Variants in CADM2 observed in about 807,000 individuals in gnomAD.
The protein encoded by CADM2 is immunoglobulin superfamily member 4D.
In CADM2, 12 loss-of-function variants were observed where a neutral mutation model predicts 49.8. The observed-to-expected ratio is 0.24, with a 90% confidence interval of 0.15 to 0.39. CADM2 has a LOEUF of 0.39. Ranked by LOEUF, CADM2 falls within the 10% of genes least tolerant of loss-of-function variation. CADM2 has a pLI of 1.00. For missense variants in CADM2, 378 were observed against 492.3 expected (o/e 0.77, Z 2.20); for synonymous variants, 214 against 175.4 (o/e 1.22, Z -1.74).
chr3:85,090,802 G>A (rs928821009), intron 1 of CADM2, among the ~76,000 whole-genome samples: 4 of 152,158 alleles, frequency 2.6e-5, no homozygotes, highest in Non-Finnish European at 4.4e-5. Flanking sequence ...GAGGGCTCTA[G>A]GTTGTCCACT....
Position 85,002,200 on chromosome 3 carries a change from A to G in CADM2, c.61+42532A>G, listed in dbSNP as rs146269228. Among the ~76,000 whole-genome samples, 1,498 of 152,102 alleles carry G rather than the reference A, an allele frequency of 9.8e-3. 34 individuals carry two copies. The highest frequency in any genetic ancestry group is 0.035 in the African/African-American group (1,443 of 41,516). ...CTGTCGATATCAATTGTTTCTGGCC[A>G]TGTTCTTTGCTCCCTTTTCCTCTGT... is the stretch of plus-strand genomic sequence containing the variant. On this transcript the variant is annotated intron_variant, in intron 1 of 9. Coordinates refer to ENST00000383699, the MANE Select transcript of CADM2 (RefSeq NM_001167675.2).
intron 1 of CADM2, among the ~76,000 whole-genome samples, chr3:85,022,704 A>G (rs1425251582): frequency 6.6e-6 from 1 of 152,062 alleles, no homozygotes; most frequent in African/African-American, 2.4e-5. Context: ...TGCTCTTTGA[A>G]TTCTGTTAAT....
At chr3:85,075,889 C>T (rs1372151605) in intron 1 of CADM2, among the ~76,000 whole-genome samples, 1 of 152,086 alleles carries the variant, frequency 6.6e-6, no homozygotes, top group African/African-American at 2.4e-5. Flanking sequence ...CATTAGATAA[C>T]AACACTGAGT....
At chr3:85,009,016 T>C (rs542403948) in intron 1 of CADM2, among the ~76,000 whole-genome samples, 9 of 152,248 alleles carry the variant, frequency 5.9e-5, no homozygotes, top group Admixed American at 4.6e-4. Flanking sequence ...AGTTCTGGTT[T>C]TCATTGTTTG....
intron 1 of CADM2, among the ~76,000 whole-genome samples, chr3:85,719,681 C>G (rs1308473943): frequency 6.6e-6 from 1 of 151,384 alleles, no homozygotes; most frequent in Non-Finnish European, 1.5e-5. Context: ...ACTGGTTATT[C>G]TATCTCAGGG....
At chr3:84,959,724 C>T (rs1407692900) in intron 1 of CADM2, 56 bp downstream of exon 1, 2 of 1,440,172 alleles carry the variant, frequency 1.4e-6, no homozygotes, top group Non-Finnish European at 1.9e-6. Flanking sequence ...CCCATCTTCC[C>T]CATTCCACCC....
At chr3:85,853,354 G>C (rs916193956) in intron 3 of CADM2, among the ~76,000 whole-genome samples, 1 of 151,962 alleles carries the variant, frequency 6.6e-6, no homozygotes, top group African/African-American at 2.4e-5. Flanking sequence ...GATCATCTAA[G>C]AAATAATAAT....
chr3:84,998,880 ATT>A (rs1331739319), intron 1 of CADM2, among the ~76,000 whole-genome samples: 2 of 152,076 alleles, frequency 1.3e-5, no homozygotes, highest in Non-Finnish European at 2.9e-5. Context: ...AAAATATTTT[ATT>A]TGTTACATTA....
At chr3:86,055,107 A>T (rs554560209) in intron 8 of CADM2, among the ~76,000 whole-genome samples, 1 of 152,312 alleles carries the variant, frequency 6.6e-6, no homozygotes, top group East Asian at 1.9e-4. Flanking sequence ...TTTTCTGATA[A>T]AAGCAACCCC....
intron 1 of CADM2, among the ~76,000 whole-genome samples, chr3:85,036,736 CTT>C (rs1417159361): frequency 6.6e-6 from 1 of 152,066 alleles, no homozygotes; most frequent in African/African-American, 2.4e-5. Flanking sequence ...AGTTATGTCT[CTT>C]ATAACAATAT....
At chr3:85,350,763 GAA>G (rs985470990) in intron 1 of CADM2, among the ~76,000 whole-genome samples, 1 of 149,702 alleles carries the variant, frequency 6.7e-6, no homozygotes, top group African/African-American at 2.4e-5. Context: ...GGTTATTAAC[GAA>G]AAAAAAAGTA....
intron 1 of CADM2, among the ~76,000 whole-genome samples, chr3:85,067,299 G>A (rs1328277469): frequency 6.6e-6 from 1 of 152,038 alleles, no homozygotes; most frequent in African/African-American, 2.4e-5. Context: ...GTGTGTTTGT[G>A]TGTGTGTGTG....
intron 1 of CADM2, among the ~76,000 whole-genome samples, chr3:85,528,310 ACAT>A (rs2061216923): frequency 7.8e-6 from 1 of 128,230 alleles, no homozygotes; most frequent in Non-Finnish European, 1.8e-5. Flanking sequence ...AATGGGAGAA[ACAT>A]CAGCATACTC....
intron 1 of CADM2, among the ~76,000 whole-genome samples, chr3:85,618,988 C>G (rs189397119): frequency 1.3e-5 from 2 of 151,720 alleles, no homozygotes; most frequent in African/African-American, 4.8e-5. Context: ...TTGCAGGGAG[C>G]TGAGATCGGC....
chr3:85,525,634 T>C (rs2061143791), intron 1 of CADM2, among the ~76,000 whole-genome samples: 1 of 152,168 alleles, frequency 6.6e-6, no homozygotes, highest in Admixed American at 6.6e-5. Context: ...TCTTTGGTTT[T>C]TAATCATTCC....
chr3:85,421,303 A>G (rs1326665224), intron 1 of CADM2, among the ~76,000 whole-genome samples: 2 of 152,136 alleles, frequency 1.3e-5, no homozygotes, highest in Non-Finnish European at 2.9e-5. Context: ...AAAAATGATC[A>G]TCATTTATTG....
intron 3 of CADM2, among the ~76,000 whole-genome samples, chr3:85,858,888 A>C (rs961444721): frequency 6.6e-6 from 1 of 152,222 alleles, no homozygotes; most frequent in Non-Finnish European, 1.5e-5. Context: ...GAAAAAAAGT[A>C]ACAAAACAGC....
chr3:85,389,884 T>C (rs1036702755), intron 1 of CADM2, among the ~76,000 whole-genome samples: 13 of 152,208 alleles, frequency 8.5e-5, no homozygotes, highest in Admixed American at 8.5e-4. Context: ...CTACTCTTCC[T>C]ATTTAATGAT....
At chr3:85,151,977 G>T (rs2107647720) in intron 1 of CADM2, among the ~76,000 whole-genome samples, 2 of 151,994 alleles carry the variant, frequency 1.3e-5, no homozygotes, top group African/African-American at 4.8e-5. Flanking sequence ...TAAGAAAAAA[G>T]GTTATTTTTT....
Sources: allele counts gnomAD v4.1 joint callset (sites outside exome capture counted in the v4.1 genomes callset), GRCh38; gene constraint gnomAD v4.1.1; transcripts MANE v1.5; gene names NCBI Gene and HGNC (gene_info 2026-07-23, HGNC 2026-07-21).